SCYL2: variants seen among roughly 807,000 people sequenced by gnomAD.
The protein encoded by SCYL2 is SCY1 like pseudokinase 2.
A neutral mutation model predicts 100.4 loss-of-function variants in SCYL2; 36 were observed. That is an observed-to-expected ratio of 0.36 (90% CI 0.27 to 0.47). The LOEUF (loss-of-function observed/expected upper bound fraction) is 0.47. SCYL2 is among the 20% of genes least tolerant of loss of function. SCYL2 has a pLI of 1.00. For synonymous variants in SCYL2, 330 were observed against 359.2 expected, an observed-to-expected ratio of 0.92 and a Z score of 0.92; for missense variants, 902 against 1,083.9, an observed-to-expected ratio of 0.83 and a Z score of 2.36.
Position 100,291,635 on chromosome 12 carries a change from G to A in SCYL2, c.310G>A (p.Val104Ile). Residue 104 changes from valine to isoleucine, a missense_variant, in exon 3 of 18, where the codon GTC (valine) becomes ATC (isoleucine). Transcript: ENST00000360820. ...GCTTCGACACCCTCGACTTCTTACTGTCCAGCATCCTTTAGAAGAATCCAG... is the reference window on the plus strand; with the variant it reads ...GCTTCGACACCCTCGACTTCTTACTATCCAGCATCCTTTAGAAGAATCCAG... Reference protein sequence around the residue: ...TRLRHPRLLTVQHPLEESRDC... With the variant: ...TRLRHPRLLTIQHPLEESRDC... 1 of 1,592,778 alleles carries A rather than the reference G, an allele frequency of 6.3e-7. No individual in the cohort carries two copies. Among genetic ancestry groups the A allele is most frequent in the Non-Finnish European group, 8.5e-7 (1 of 1,173,658 alleles).
At chr12:100,295,604 C>T (rs1464743955) in intron 3 of SCYL2, among the ~76,000 whole-genome samples, 2 of 152,054 alleles carry the variant, frequency 1.3e-5, no homozygotes, top group African/African-American at 2.4e-5. Context: ...CAGGCTGAGG[C>T]AGGAGAATCA....
At chr12:100,318,602 G>A (rs2096352071) in intron 10 of SCYL2, among the ~76,000 whole-genome samples, 1 of 152,134 alleles carries the variant, frequency 6.6e-6, no homozygotes, top group African/African-American at 2.4e-5. Flanking sequence ...AAAGTACTGG[G>A]ATTATAAGCC....
chr12:100,294,432 GCTC>G (rs2096315249), intron 3 of SCYL2, among the ~76,000 whole-genome samples: 1 of 94,206 alleles, frequency 1.1e-5, no homozygotes, highest in Admixed American at 1.0e-4. Context: ...GGGCGGGGGG[GCTC>G]CTCACTTCCC....
chr12:100,326,817 A>G (rs1310350506), intron 12 of SCYL2, 63 bp downstream of exon 12: 17 of 1,413,782 alleles, frequency 1.2e-5, no homozygotes, highest in Non-Finnish European at 1.5e-5. Flanking sequence ...TCCAATCTAT[A>G]AAACAATTAT....
chr12:100,310,978 GT>G, intron 4 of SCYL2, 65 bp from the exon 5 acceptor site: 1 of 1,354,750 alleles, frequency 7.4e-7, no homozygotes, highest in East Asian at 2.6e-5. Context: ...TATTATTTTT[GT>G]GAGACATTTT....
chr12:100,335,407 G>A lies in SCYL2; in HGVS notation c.1863-218G>A, dbSNP rs149088856. 5.3e-5 allele frequency among the ~76,000 whole-genome samples: 8 copies of A among 152,138 alleles called. No homozygotes were observed. In the East Asian group the frequency reaches 1.4e-3, roughly 26 times the overall value. On this transcript the variant is annotated intron_variant, in intron 14 of 17. Transcript: ENST00000360820. ...TATGACACCTTGAATAAATTCTCCA[G>A]TAAATCCCCAATGTTGAGTTTAAGA...
intron 9 of SCYL2, among the ~76,000 whole-genome samples, chr12:100,317,329 C>T (rs963610093): frequency 2.6e-5 from 4 of 152,162 alleles, no homozygotes; most frequent in Admixed American, 1.3e-4. Flanking sequence ...TCAAGCAATT[C>T]CCCTGTTTCA....
chr12:100,312,478 G>A lies in SCYL2; in HGVS notation c.677G>A (p.Cys226Tyr), dbSNP rs759389026. ...KEWDPNLPSL[C>Y]LPNPEYLAPE... The stretch of plus-strand genomic sequence containing the variant: ...TGGGACCCAAATTTACCTTCATTGT[G>A]TCTTCCAAATCCTGAATATTTGGCT... Residue 226 changes from cysteine to tyrosine, a missense_variant, in exon 6 of 18, where the codon TGT becomes TAT. Transcript: ENST00000360820. 9 of 1,613,468 alleles carry A rather than the reference G, an allele frequency of 5.6e-6. No individual in the cohort carries two copies. Among genetic ancestry groups the A allele is most frequent in the South Asian group, 1.1e-5 (1 of 91,052 alleles).
Position 100,282,297 on chromosome 12 carries a change from C to A in SCYL2, c.-28-646C>A, listed in dbSNP as rs1405397306. On this transcript the variant is annotated intron_variant, in intron 1 of 17. Transcript: ENST00000360820. ...GCCTCAGCCTCCCAAACCCCACAAACCCCACAAAACCCACTTTTAGTCTTT... is the reference window on the plus strand; with the variant it reads ...GCCTCAGCCTCCCAAACCCCACAAAACCCACAAAACCCACTTTTAGTCTTT... Among the ~76,000 whole-genome samples, 5 of 141,602 alleles carry A rather than the reference C, an allele frequency of 3.5e-5. 1 individual carries two copies. Among genetic ancestry groups the A allele is most frequent in the African/African-American group, 1.3e-4 (5 of 38,650 alleles). The allele number at this position is 141,602 out of a possible 152,430, so 92.9% of individuals were successfully genotyped here. A position where few individuals can be genotyped will look rare whatever the true frequency, so the allele number is the denominator to read the frequency against.
rs190747858 is a variant in SCYL2, at chr12:100,269,777, C to T, written c.-29+1985C>T. On this transcript the variant is annotated intron_variant, in intron 1 of 17. Transcript: ENST00000360820. ...TTAATTTTAACACTTTGCTGTTCAT[C>T]AGAATCACTTACGGAGCTTTCTCAG... Among the ~76,000 whole-genome samples the T allele has an allele frequency of 9.9e-5, 15 of 152,214 alleles. No individual in the cohort carries two copies. In the East Asian group the frequency reaches 2.7e-3, roughly 28 times the overall value.
Position 100,337,385 on chromosome 12 carries a change from A to C in SCYL2, c.2026-2A>C. ...TGATTTTTTGCTTTATTTTGTTTTA[A>C]GGCATCACTTACACTTGAAGAAAAA... On this transcript the variant is annotated splice_acceptor_variant, in intron 16 of 17. Transcript: ENST00000360820. LOFTEE classifies it high-confidence loss of function. The C allele has an allele frequency of 6.2e-7, 1 of 1,600,316 alleles. No homozygotes were observed. Among genetic ancestry groups the C allele is most frequent in the Non-Finnish European group, 8.5e-7 (1 of 1,176,728 alleles).
intron 4 of SCYL2, among the ~76,000 whole-genome samples, chr12:100,301,582 G>A (rs1323289239): frequency 6.6e-6 from 1 of 152,224 alleles, no homozygotes; most frequent in Non-Finnish European, 1.5e-5. Context: ...AGGACAATGT[G>A]TATTCTGTAG....
chr12:100,307,793 T>C (rs1395688420), intron 4 of SCYL2, among the ~76,000 whole-genome samples: 1 of 151,946 alleles, frequency 6.6e-6, no homozygotes. Context: ...TAAACAAATT[T>C]ACAAGAAAAA....
chr12:100,296,106 G>A (rs1194892857), intron 3 of SCYL2, among the ~76,000 whole-genome samples: 2 of 152,184 alleles, frequency 1.3e-5, no homozygotes, highest in East Asian at 3.8e-4. Context: ...TTTTTGTATG[G>A]TGATTTAAAT....
At chr12:100,307,389 G>A (rs1243255403) in intron 4 of SCYL2, among the ~76,000 whole-genome samples, 3 of 152,084 alleles carry the variant, frequency 2.0e-5, no homozygotes, top group African/African-American at 7.2e-5. Flanking sequence ...AACAAGCAAT[G>A]GGGAAAGGAT....
intron 2 of SCYL2, among the ~76,000 whole-genome samples, chr12:100,283,710 T>C (rs1436336811): frequency 6.6e-6 from 1 of 152,216 alleles, no homozygotes; most frequent in Non-Finnish European, 1.5e-5. Flanking sequence ...ACCACAGTCA[T>C]ACAATTGTGG....
chr12:100,294,822 G>A (rs1470120791), intron 3 of SCYL2, among the ~76,000 whole-genome samples: 6 of 149,864 alleles, frequency 4.0e-5, no homozygotes, highest in Admixed American at 1.3e-4. Context: ...CCTCCCGGAC[G>A]GGGTGGCTGC....
intron 1 of SCYL2, among the ~76,000 whole-genome samples, chr12:100,271,278 A>AG: frequency 6.6e-6 from 1 of 151,044 alleles, no homozygotes; most frequent in Non-Finnish European, 1.5e-5. Flanking sequence ...AAAAAAAAAA[A>AG]AAAAGAGAGA....
intron 1 of SCYL2, among the ~76,000 whole-genome samples, chr12:100,278,188 G>GT (rs1289329012): frequency 1.3e-5 from 2 of 151,684 alleles, no homozygotes; most frequent in Non-Finnish European, 1.5e-5. Flanking sequence ...AAAACTTTAA[G>GT]TTTTTTTTGT....
Sources: allele counts gnomAD v4.1 joint callset (sites outside exome capture counted in the v4.1 genomes callset), GRCh38; gene constraint gnomAD v4.1.1; transcripts MANE v1.5; gene names NCBI Gene and HGNC (gene_info 2026-07-23, HGNC 2026-07-21).